OTOGL: variants seen among roughly 807,000 people sequenced by gnomAD.
OTOGL encodes otogelin-like protein.
A neutral mutation model predicts 318.5 loss-of-function variants in OTOGL; 285 were observed. That is an observed-to-expected ratio of 0.89 (90% confidence interval 0.81 to 0.99). OTOGL has a LOEUF of 0.99. OTOGL is among the 50% of genes least tolerant of loss of function. The pLI is 0.00. For missense variants in OTOGL, 2,899 were observed against 2,845.6 expected, an observed-to-expected ratio of 1.02 and a Z score of -0.43; for synonymous variants, 987 against 936.5, an observed-to-expected ratio of 1.05 and a Z score of -0.99.
chr12:80,336,787 T>C lies in OTOGL; in HGVS notation c.4744-10T>C. Reference sequence around the variant, plus strand: ...AATGCATTTAAAAGTATTTCTTTTTTTTTTTCCAGAATGGAAACTCCTTAA... The same window carrying C: ...AATGCATTTAAAAGTATTTCTTTTTCTTTTTCCAGAATGGAAACTCCTTAA... On this transcript the variant is annotated splice_polypyrimidine_tract_variant and intron_variant, in intron 40 of 58. Coordinates refer to ENST00000547103, the MANE Select transcript of OTOGL (RefSeq NM_001378609.3). 6.6e-7 allele frequency: 1 copy of C among 1,514,968 alleles called. No homozygotes were observed. The highest frequency in any genetic ancestry group is 1.2e-5 in the South Asian group (1 of 81,920). The allele number at this position is 1,514,968 out of a possible 1,614,324, so 93.8% of individuals were successfully genotyped here.
At chr12:80,375,323 A>G (rs1395580571) in intron 57 of OTOGL, among the ~76,000 whole-genome samples, 2 of 152,190 alleles carry the variant, frequency 1.3e-5, no homozygotes, top group African/African-American at 4.8e-5. Context: ...CATTTACTGA[A>G]TGAATTAACT....
At chr12:80,246,027 T>C (rs1445240009) in intron 11 of OTOGL, among the ~76,000 whole-genome samples, 3 of 150,340 alleles carry the variant, frequency 2.0e-5, no homozygotes, top group East Asian at 2.0e-4. Context: ...CCTGAGACTT[T>C]GCTGAAGTTG....
intron 1 of OTOGL, among the ~76,000 whole-genome samples, chr12:80,108,143 A>G (rs1477858299): frequency 6.6e-6 from 1 of 152,126 alleles, no homozygotes; most frequent in Admixed American, 6.5e-5. Flanking sequence ...TAATATCAGG[A>G]AGTTGGCAAA....
chr12:80,324,386 C>T (rs937287685), intron 35 of OTOGL, among the ~76,000 whole-genome samples: 2 of 151,912 alleles, frequency 1.3e-5, no homozygotes, highest in East Asian at 1.9e-4. Flanking sequence ...TTGGTGTGTT[C>T]GAGGATCAGC....
chr12:80,339,402 G>C, intron 43 of OTOGL, 138 bp downstream of exon 43: 1 of 683,364 alleles, frequency 1.5e-6, no homozygotes, highest in African/African-American at 2.0e-5. Flanking sequence ...CAGTTCCCAT[G>C]TAAATACGGA....
At chr12:80,348,558 T>A (rs933377072) in intron 44 of OTOGL, among the ~76,000 whole-genome samples, 9 of 152,108 alleles carry the variant, frequency 5.9e-5, no homozygotes, top group Admixed American at 5.9e-4. Context: ...TGTTTGCAAA[T>A]CTCTACAAAG....
intron 26 of OTOGL, among the ~76,000 whole-genome samples, chr12:80,294,131 T>C (rs1212272275): frequency 6.6e-6 from 1 of 152,168 alleles, no homozygotes; most frequent in Non-Finnish European, 1.5e-5. Context: ...ATTATTACTA[T>C]GTTGCTTAAC....
At chr12:80,372,119 T>C (rs574593965) in intron 57 of OTOGL, 55 bp downstream of exon 57, 306 of 1,227,540 alleles carry the variant, frequency 2.5e-4, no homozygotes, top group Non-Finnish European at 3.3e-4. Flanking sequence ...TAATTGCTCA[T>C]AGTGATTATG....
intron 27 of OTOGL, among the ~76,000 whole-genome samples, chr12:80,299,664 T>C (rs1185722964): frequency 6.6e-6 from 1 of 150,804 alleles, no homozygotes; most frequent in Non-Finnish European, 1.5e-5. Context: ...ACAATTCTAA[T>C]TTTATCAAAT....
At chr12:80,353,706 G>A (rs1054606831) in intron 46 of OTOGL, among the ~76,000 whole-genome samples, 196 bp downstream of exon 46, 3 of 152,180 alleles carry the variant, frequency 2.0e-5, no homozygotes, top group Non-Finnish European at 2.9e-5. Context: ...GTGGTAATAT[G>A]TTTTAATCTT....
intron 44 of OTOGL, among the ~76,000 whole-genome samples, chr12:80,348,000 C>A (rs1254740570): frequency 6.6e-6 from 1 of 152,038 alleles, no homozygotes; most frequent in African/African-American, 2.4e-5. Flanking sequence ...TGTTGAAGTT[C>A]TTTGTAGAGT....
chr12:80,336,791 T>A lies in OTOGL; in HGVS notation c.4744-6T>A, dbSNP rs1565994393. 1 of 1,518,038 alleles carries A rather than the reference T, an allele frequency of 6.6e-7. No individual in the cohort carries two copies. 94.0% of individuals were successfully genotyped at this position (1,518,038 alleles called of 1,614,324 possible). A position where few individuals can be genotyped will look rare whatever the true frequency, so the allele number is the denominator to read the frequency against. ...CATTTAAAAGTATTTCTTTTTTTTT[T>A]TCCAGAATGGAAACTCCTTAAAAAA... On this transcript the variant is annotated splice_region_variant and splice_polypyrimidine_tract_variant and intron_variant, in intron 40 of 58. Transcript: ENST00000547103.
At position 80,342,032 on chromosome 12, in the gene OTOGL, T is replaced by A; in HGVS notation, c.5135T>A (p.Ile1712Asn). ...ITNMEDIGLF[I>N]ESWEIEKSFE... ...AATATGGAAGACATAGGATTATTTA[T>A]TGAGAGCTGGGAAATTGAGAAATCA... The change falls in exon 44 of 59, where the codon ATT becomes AAT. Residue 1712 changes from isoleucine (I) to asparagine (N), a missense_variant. Physicochemically the swap from Ile to Asn is moderately radical, Grantham distance 149 (BLOSUM62 -3). Around this residue, in one of 3 missense-constraint regions of OTOGL, gnomAD observed 2,607 missense variants for 2,524.9 expected, o/e 1.03. Transcript: ENST00000547103. 1 of 1,607,968 alleles carries A rather than the reference T, an allele frequency of 6.2e-7. No individual in the cohort carries two copies. Among genetic ancestry groups the A allele is most frequent in the Non-Finnish European group, 8.5e-7 (1 of 1,176,418 alleles).
intron 1 of OTOGL, among the ~76,000 whole-genome samples, chr12:80,155,802 T>C (rs747436152): frequency 6.6e-5 from 10 of 152,228 alleles, no homozygotes; most frequent in Non-Finnish European, 1.2e-4. Context: ...ACCATCCTTC[T>C]ACTCTCTATC....
intron 1 of OTOGL, among the ~76,000 whole-genome samples, chr12:80,200,123 G>A (rs1359454143): frequency 1.3e-5 from 2 of 152,004 alleles, no homozygotes; most frequent in Non-Finnish European, 2.9e-5. Flanking sequence ...GAGCCTGTGG[G>A]GAAATATAAA....
At chr12:80,104,411 C>T (rs1239537074) in intron 1 of OTOGL, among the ~76,000 whole-genome samples, 4 of 152,198 alleles carry the variant, frequency 2.6e-5, no homozygotes. Context: ...TAGGCCCTGC[C>T]TCAGACGAAT....
intron 28 of OTOGL, among the ~76,000 whole-genome samples, chr12:80,304,679 T>C (rs1885993185): frequency 6.6e-6 from 1 of 152,186 alleles, no homozygotes. Context: ...CCTTCAGTCA[T>C]TGCTGTCTTT....
chr12:80,285,799 A>G (rs917330773), intron 26 of OTOGL, among the ~76,000 whole-genome samples: 6 of 152,186 alleles, frequency 3.9e-5, no homozygotes, highest in African/African-American at 1.4e-4. Flanking sequence ...TTCTAAATAT[A>G]CAATTATGTC....
rs372683163 is a variant in OTOGL, at chr12:80,320,429, A to G, written c.3810A>G (p.Ala1270=). 8.1e-6 allele frequency: 13 copies of G among 1,611,650 alleles called. No individual in the cohort carries two copies. In the African/African-American group the frequency reaches 9.4e-5, roughly 12 times the overall value. The stretch of plus-strand genomic sequence containing the variant: ...CTGCTCTATATTTTACAGCATTAGC[A>G]CTTGTTTCCTTGGAATCTGCTGAAA... ...GLFKEKVSSL[A]LVSLESAERP... is the part of the protein sequence containing the mutation. Residue 1270 remains alanine, a synonymous_variant, in exon 34 of 59, where the codon GCA becomes GCG. Coordinates refer to ENST00000547103, the MANE Select transcript of OTOGL (RefSeq NM_001378609.3).
Sources: gnomAD v4.1 joint callset for allele counts (sites outside exome capture counted in the v4.1 genomes callset) on GRCh38, gnomAD v4.1.1 for gene constraint, gnomAD v4.1.1 regional missense constraint, MANE v1.5 for transcripts, NCBI Gene and HGNC (gene_info 2026-07-23, HGNC 2026-07-21) for gene names.